The following SKP2 variants were observed in gnomAD, a reference collection of about 807,000 sequenced individuals.
SKP2 encodes S-phase kinase associated protein 2.
A neutral mutation model predicts 51.8 loss-of-function variants in SKP2; 16 were observed. That is an observed-to-expected ratio of 0.31 (90% CI 0.21 to 0.47). The LOEUF (loss-of-function observed/expected upper bound fraction) is 0.47. Among genes scored for constraint, SKP2 ranks in the 20% least tolerant of loss-of-function variants. The pLI, the probability that SKP2 is intolerant of heterozygous loss-of-function variation, is 1.00. For missense variants in SKP2, 377 were observed against 505.3 expected (o/e 0.75, Z 2.43); for synonymous variants, 176 against 198.6 (o/e 0.89, Z 0.96).
rs139244623 is a variant in SKP2, at chr5:36,180,770, A to T, written c.1062-1048A>T. On this transcript the variant is annotated intron_variant, in intron 9 of 9. Coordinates refer to ENST00000274255, the MANE Select transcript of SKP2 (RefSeq NM_005983.4). ...GAAGGAAGAAAGACAGTTATAAGGA[A>T]AGTTTGGGGCTTTTTAAAAATAATT... Among the ~76,000 whole-genome samples the T allele has an allele frequency of 1.7e-4, 26 of 152,318 alleles. No individual in the cohort carries two copies. In the East Asian group the frequency reaches 4.4e-3, roughly 26 times the overall value.
chr5:36,159,176 T>C (rs1456015471), intron 2 of SKP2, among the ~76,000 whole-genome samples: 3 of 151,940 alleles, frequency 2.0e-5, no homozygotes, highest in African/African-American at 7.3e-5. Context: ...TCTGGAGGAG[T>C]TGGGAAGGCA....
At chr5:36,181,727 T>C in intron 9 of SKP2, 91 bp from the exon 10 acceptor site, 32 of 1,331,594 alleles carry the variant, frequency 2.4e-5, no homozygotes, top group Non-Finnish European at 3.3e-5. Flanking sequence ...ATTTTGTAGA[T>C]GACACAAATT....
chr5:36,162,264 C>T (rs199985090), intron 2 of SKP2, among the ~76,000 whole-genome samples: 1 of 151,650 alleles, frequency 6.6e-6, no homozygotes, highest in African/African-American at 2.4e-5. Context: ...CCTACCTCTG[C>T]GCTCTACACT....
Position 36,152,762 on chromosome 5 carries a change from C to A in SKP2, c.9-9C>A, listed in dbSNP as rs757961414. The stretch of plus-strand genomic sequence containing the variant: ...CGAAAGGAACCGGGGGTATTGTGCA[C>A]TTCTGCAGGAAGCACCTCCAGGAGA... On this transcript the variant is annotated splice_polypyrimidine_tract_variant and intron_variant, in intron 1 of 9. Transcript: ENST00000274255. 1.9e-6 allele frequency: 3 copies of A among 1,612,404 alleles called. No individual in the cohort carries two copies. The highest frequency in any genetic ancestry group is 2.5e-6 in the Non-Finnish European group (3 of 1,179,576).
rs569579204 is a variant in SKP2, at chr5:36,171,845, T to A, written c.901+112T>A. 1.8e-5 allele frequency: 19 copies of A among 1,036,520 alleles called. No homozygotes were observed. In the South Asian group the frequency reaches 2.2e-4, roughly 12 times the overall value. The allele number at this position is 1,036,520 out of a possible 1,614,324, so 64.2% of individuals were successfully genotyped here. A position where few individuals can be genotyped will look rare whatever the true frequency, so the allele number is the denominator to read the frequency against. ...AAGTTTTCTCATTTAATCCAGTGCA[T>A]GTGTTAGTCCCCTTTTTCAGATGAG... is the stretch of plus-strand genomic sequence containing the variant. On this transcript the variant is annotated intron_variant, in intron 7 of 9. Transcript: ENST00000274255.
intron 2 of SKP2, among the ~76,000 whole-genome samples, chr5:36,161,410 G>A (rs1745118060): frequency 6.6e-6 from 1 of 152,046 alleles, no homozygotes; most frequent in Non-Finnish European, 1.5e-5. Flanking sequence ...TGTCACGGGA[G>A]GCCTTCTGTG....
rs1396968072 is a variant in SKP2 at position 36,184,066 on chromosome 5, CTCT to C, written c.*2037_*2039del. 1 of 967,124 alleles carries C rather than the reference CTCT, an allele frequency of 1.0e-6. No homozygotes were observed. The highest frequency in any genetic ancestry group is 1.5e-6 in the Non-Finnish European group (1 of 650,976). 59.9% of individuals were successfully genotyped at this position (967,124 alleles called of 1,614,324 possible). A position where few individuals can be genotyped will look rare whatever the true frequency, so the allele number is the denominator to read the frequency against. On this transcript the variant is annotated 3_prime_UTR_variant, in exon 10 of 10. Transcript: ENST00000274255. ...ACTAAGTTGTATTCCTTTTTTCTTT[CTCT>C]TTTTTTAAGTGCTGTGGTTAAAATT...
intron 4 of SKP2, among the ~76,000 whole-genome samples, chr5:36,167,954 C>T (rs1745343092): frequency 6.6e-6 from 1 of 151,934 alleles, no homozygotes; most frequent in Admixed American, 6.6e-5. Context: ...CGCTACCTTC[C>T]CTGTTCTATT....
rs70973094 is a variant in SKP2, at chr5:36,190,683, CAAAAAAAAAAAAA to C, written c.633-1927_633-1915del. On this transcript the variant is annotated intron_variant, in intron 6 of 7. Coordinates refer to the SKP2 transcript ENST00000677886. ...AATGATGAAAAACGTCAAACATATG[CAAAAAAAAAAAAA>C]AAAAAAAAAAGAATATGATGGACCC... Among the ~76,000 whole-genome samples the C allele has an allele frequency of 4.6e-3, 371 of 81,192 alleles. 3 individuals are homozygous for C. Among genetic ancestry groups the C allele is most frequent in the African/African-American group, 0.019 (357 of 18,750 alleles). 53.3% of individuals were successfully genotyped at this position (81,192 alleles called of 152,430 possible). A position where few individuals can be genotyped will look rare whatever the true frequency, so the allele number is the denominator to read the frequency against.
At chr5:36,185,138 C>A (rs1172980100), downstream of SKP2, among the ~76,000 whole-genome samples, 2 of 151,964 alleles carry the variant, frequency 1.3e-5, no homozygotes, top group Admixed American at 1.3e-4. Flanking sequence ...TGTTTGAGTT[C>A]TTTGTAGATT....
In SKP2 at chr5:36,183,589, CA is replaced by C. The variant is rs760479526; in HGVS notation, c.*1563del. ...GCCAAATTCTACTTCTTAAAAATCA[CA>C]AAAACTAGTTTAAATTGATGACTTG... On this transcript the variant is annotated 3_prime_UTR_variant, in exon 10 of 10. Coordinates refer to ENST00000274255, the MANE Select transcript of SKP2 (RefSeq NM_005983.4). 2.7e-6 allele frequency: 3 copies of C among 1,098,664 alleles called. No individual in the cohort carries two copies. The highest frequency in any genetic ancestry group is 3.3e-6 in the Non-Finnish European group (3 of 904,780). 68.1% of individuals were successfully genotyped at this position (1,098,664 alleles called of 1,614,324 possible).
At chr5:36,166,699 AATTTCG>A in intron 4 of SKP2, 37 bp downstream of exon 4, 1 of 1,561,692 alleles carries the variant, frequency 6.4e-7, no homozygotes, top group Non-Finnish European at 8.8e-7. Flanking sequence ...ACTATTTCTA[AATTTCG>A]AGGTAGAAAC....
chr5:36,171,698 A>G lies in SKP2; in HGVS notation c.866A>G (p.Asn289Ser), dbSNP rs1745481456. 1.2e-6 allele frequency: 2 copies of G among 1,613,868 alleles called. No individual in the cohort carries two copies. The change falls in exon 7 of 10, where the codon AAT (asparagine) becomes AGT (serine). Residue 289 changes from asparagine (N) to serine (S), a missense_variant. Around this residue, in one of 2 missense-constraint regions of SKP2, gnomAD observed 262 missense variants for 389.8 expected, o/e 0.67. Coordinates refer to ENST00000274255, the MANE Select transcript of SKP2 (RefSeq NM_005983.4). ...AHVSETITQL[N>S]LSGYRKNLQK... Reference sequence around the variant, plus strand: ...GTGTCAGAGACCATCACCCAGCTGAATCTTAGCGGCTACAGAAAGAATCTC... The same window carrying G: ...GTGTCAGAGACCATCACCCAGCTGAGTCTTAGCGGCTACAGAAAGAATCTC...
chr5:36,169,180 C>T (rs562331734), intron 5 of SKP2, among the ~76,000 whole-genome samples: 8 of 152,212 alleles, frequency 5.3e-5, no homozygotes, highest in South Asian at 2.1e-4. Context: ...TGTGGTGGCT[C>T]ACACCTGTAA....
intron 9 of SKP2, 73 bp downstream of exon 9, chr5:36,177,365 A>G: frequency 2.2e-6 from 2 of 898,908 alleles, no homozygotes; most frequent in Non-Finnish European, 3.7e-6. Flanking sequence ...GTGAAAATCC[A>G]TTTTTATTAA....
chr5:36,189,773 A>C (rs1745988856), intron 6 of SKP2, among the ~76,000 whole-genome samples: 1 of 152,190 alleles, frequency 6.6e-6, no homozygotes, highest in Admixed American at 6.5e-5. Context: ...TTAAGTCTGC[A>C]GAGGTTTCTG....
At chr5:36,160,105 TAAAG>T (rs774229364) in intron 2 of SKP2, among the ~76,000 whole-genome samples, 2 of 152,274 alleles carry the variant, frequency 1.3e-5, no homozygotes, top group Non-Finnish European at 2.9e-5. Flanking sequence ...TTCCTGCAGG[TAAAG>T]AAACTGAGGC....
intron 2 of SKP2, among the ~76,000 whole-genome samples, chr5:36,153,734 G>C (rs1314919421): frequency 1.3e-5 from 2 of 152,096 alleles, no homozygotes; most frequent in Admixed American, 1.3e-4. Context: ...CTTCTCCCCA[G>C]ATCTATCCCC....
At chr5:36,171,508 A>G in intron 6 of SKP2, 95 bp from the exon 7 acceptor site, 3 of 1,023,270 alleles carry the variant, frequency 2.9e-6, no homozygotes, top group Non-Finnish European at 3.0e-6. Flanking sequence ...ATGATAAGGA[A>G]TCCATGGTTT....
Sources: gnomAD v4.1 joint callset for allele counts (sites outside exome capture counted in the v4.1 genomes callset) on GRCh38, gnomAD v4.1.1 for gene constraint, gnomAD v4.1.1 regional missense constraint, MANE v1.5 for transcripts, NCBI Gene and HGNC (gene_info 2026-07-23, HGNC 2026-07-21) for gene names.